The following UGT2A2 variants were observed in gnomAD, a reference collection of about 807,000 sequenced individuals.
The protein encoded by UGT2A2 is UDP glucuronosyltransferase family 2 member A2.
In UGT2A2, 60 loss-of-function variants were observed where a neutral mutation model predicts 50.7. The observed-to-expected ratio is 1.18, with a 90% confidence interval of 0.96 to 1.47. UGT2A2 has a LOEUF of 1.47. Ranked by LOEUF, UGT2A2 falls within the 40% of genes most tolerant of loss-of-function variation. The probability of loss-of-function intolerance (pLI) is 0.00; values close to 1 mark genes in which losing one functional copy is unlikely to be tolerated. For synonymous variants in UGT2A2, 242 were observed against 214.6 expected, an observed-to-expected ratio of 1.13 and a Z score of -1.11; for missense variants, 762 against 634.0, an observed-to-expected ratio of 1.20 and a Z score of -2.17.
rs144676660 is a variant in UGT2A2, at chr4:69,590,997, T to G, written c.1332-1346A>C. ...ACATCCATATATATACTCTACACTA[T>G]ACCTTGTGTTCCCAGAGGTGGTATT... On this transcript the variant is annotated intron_variant, in intron 5 of 5. Transcript: ENST00000604629. Among the ~76,000 whole-genome samples the G allele has an allele frequency of 2.7e-3, 418 of 152,328 alleles. 1 individual carries two copies. Among genetic ancestry groups the G allele is most frequent in the African/African-American group, 9.4e-3 (390 of 41,580 alleles).
chr4:69,610,239 G>T (rs1719954928), intron 1 of UGT2A2, among the ~76,000 whole-genome samples: 1 of 128,846 alleles, frequency 7.8e-6, no homozygotes, highest in African/African-American at 3.1e-5. Context: ...TTCTAATTCT[G>T]CCATTACAAA....
At chr4:69,622,153 A>C (rs1720790390) in intron 1 of UGT2A2, among the ~76,000 whole-genome samples, 2 of 151,846 alleles carry the variant, frequency 1.3e-5, no homozygotes, top group Admixed American at 1.3e-4. Flanking sequence ...CTCCTGAACC[A>C]AAAGGTTTTT....
chr4:69,614,534 A>T (rs1160181402), intron 1 of UGT2A2, among the ~76,000 whole-genome samples: 4 of 152,016 alleles, frequency 2.6e-5, no homozygotes, highest in African/African-American at 9.7e-5. Flanking sequence ...AGCAAAAAGA[A>T]CAAAGTTGGA....
intron 1 of UGT2A2, among the ~76,000 whole-genome samples, chr4:69,613,333 A>G (rs1484575792): frequency 6.6e-6 from 1 of 151,994 alleles, no homozygotes; most frequent in East Asian, 1.9e-4. Flanking sequence ...GAGGTAAAGC[A>G]GTGATAAAAA....
At position 69,596,308 on chromosome 4, in the gene UGT2A2, T is replaced by G. The variant is rs1302380884; in HGVS notation, c.965A>C (p.Asn322Thr). 6.2e-7 allele frequency: 1 copy of G among 1,607,980 alleles called. No individual in the cohort carries two copies. Among genetic ancestry groups the G allele is most frequent in the East Asian group, 2.2e-5 (1 of 44,568 alleles). The stretch of plus-strand genomic sequence containing the variant: ...AAGATTGGCCTTTTCTTCTGTAAGG[T>G]TTTTGACCATTGATCCCAGAGAAAA... ...VVFSLGSMVK[N>T]LTEEKANLIA... The change falls in exon 3 of 6, where the codon AAC becomes ACC. Residue 322 changes from asparagine (N) to threonine (T), a missense_variant. Transcript: ENST00000604629.
intron 1 of UGT2A2, among the ~76,000 whole-genome samples, chr4:69,623,975 C>T (rs1008644974): frequency 6.6e-6 from 1 of 151,540 alleles, no homozygotes; most frequent in African/African-American, 2.4e-5. Flanking sequence ...TGAAATGTAA[C>T]AAAAACATGT....
At chr4:69,596,589 C>A (rs973774843) in intron 2 of UGT2A2, among the ~76,000 whole-genome samples, 1 of 152,074 alleles carries the variant, frequency 6.6e-6, no homozygotes, top group East Asian at 1.9e-4. Context: ...GTGGCATGAT[C>A]TCTGCTCACT....
At chr4:69,612,692 C>T (rs1720135059) in intron 1 of UGT2A2, among the ~76,000 whole-genome samples, 1 of 151,836 alleles carries the variant, frequency 6.6e-6, no homozygotes, top group Non-Finnish European at 1.5e-5. Flanking sequence ...AAGAAAGAAA[C>T]CGGATTGTCA....
chr4:69,638,355 C>T (rs1203331388), intron 1 of UGT2A2, among the ~76,000 whole-genome samples: 1 of 152,080 alleles, frequency 6.6e-6, no homozygotes, highest in East Asian at 1.9e-4. Context: ...TGCAAGGAAA[C>T]ATGAGGCTGG....
At chr4:69,617,469 G>A (rs532476561) in intron 1 of UGT2A2, among the ~76,000 whole-genome samples, 12 of 151,884 alleles carry the variant, frequency 7.9e-5, no homozygotes, top group African/African-American at 2.4e-4. Context: ...TTATGTGTAC[G>A]TATATACGTA....
At chr4:69,625,889 A>T (rs927360212) in intron 1 of UGT2A2, among the ~76,000 whole-genome samples, 1 of 151,538 alleles carries the variant, frequency 6.6e-6, no homozygotes, top group Non-Finnish European at 1.5e-5. Flanking sequence ...TAACCCAGAT[A>T]CAAGTATAAA....
chr4:69,636,329 GTTC>G (rs1384771038), intron 1 of UGT2A2, among the ~76,000 whole-genome samples: 2 of 152,126 alleles, frequency 1.3e-5, no homozygotes, highest in Non-Finnish European at 2.9e-5. Flanking sequence ...GTTAGCAGGT[GTTC>G]TTAATCCTTT....
At chr4:69,596,163 T>G (rs1460802031) in intron 3 of UGT2A2, 87 bp downstream of exon 3, 7 of 1,368,802 alleles carry the variant, frequency 5.1e-6, no homozygotes. Flanking sequence ...TAATGAGTTT[T>G]GATTTTCATA....
At chr4:69,636,206 G>A (rs901543160) in intron 1 of UGT2A2, among the ~76,000 whole-genome samples, 4 of 152,052 alleles carry the variant, frequency 2.6e-5, no homozygotes, top group Non-Finnish European at 4.4e-5. Flanking sequence ...CAGAACTGAA[G>A]AACAACTATT....
intron 5 of UGT2A2, among the ~76,000 whole-genome samples, chr4:69,590,786 T>TTTTCCTATAAAAGCATG (rs1173042251): frequency 6.6e-6 from 1 of 152,172 alleles, no homozygotes; most frequent in Non-Finnish European, 1.5e-5. Context: ...AGAAAGCATG[T>TTTTCCTATAAAAGCATG]TTTCCTATAA....
intron 1 of UGT2A2, among the ~76,000 whole-genome samples, chr4:69,604,481 G>A (rs1201484565): frequency 7.3e-6 from 1 of 136,702 alleles, no homozygotes. Context: ...ACATTGTACA[G>A]ACCATCGAGG....
At chr4:69,617,185 T>C (rs1341803255) in intron 1 of UGT2A2, among the ~76,000 whole-genome samples, 3 of 151,944 alleles carry the variant, frequency 2.0e-5, no homozygotes, top group Non-Finnish European at 4.4e-5. Flanking sequence ...AAAATGTGCA[T>C]CCTTTGGCAG....
At chr4:69,599,589 AAAG>A (rs1034175226) in intron 1 of UGT2A2, 195 bp from the exon 2 acceptor site, 14 of 795,418 alleles carry the variant, frequency 1.8e-5, no homozygotes, top group Non-Finnish European at 2.3e-5. Flanking sequence ...GGAAGGAAGA[AAAG>A]AAGGAAGGAA....
chr4:69,593,840 ATTAGT>A (rs1453982354), intron 5 of UGT2A2, among the ~76,000 whole-genome samples: 2 of 151,836 alleles, frequency 1.3e-5, no homozygotes. Flanking sequence ...GTATTTACTG[ATTAGT>A]TTATAATATG....
Sources: gnomAD v4.1 joint callset for allele counts (sites outside exome capture counted in the v4.1 genomes callset) on GRCh38, gnomAD v4.1.1 for gene constraint, MANE v1.5 for transcripts, NCBI Gene and HGNC (gene_info 2026-07-23, HGNC 2026-07-21) for gene names.